SRGAP1: variants seen among roughly 807,000 people sequenced by gnomAD.
SRGAP1 encodes SLIT-ROBO Rho GTPase-activating protein 1.
Under a neutral mutation model 121.9 loss-of-function variants are expected in SRGAP1, and 43 were observed. That is an observed-to-expected ratio of 0.35 (90% CI 0.28 to 0.46). The LOEUF (loss-of-function observed/expected upper bound fraction) is 0.46, where lower values mean the gene tolerates loss of function less well. SRGAP1 is among the 20% of genes least tolerant of loss of function. The probability of loss-of-function intolerance (pLI) is 1.00; values close to 1 mark genes in which losing one functional copy is unlikely to be tolerated. For missense variants in SRGAP1, 1,102 were observed against 1,350.9 expected, an observed-to-expected ratio of 0.82 and a Z score of 2.89; for synonymous variants, 447 against 485.4, an observed-to-expected ratio of 0.92 and a Z score of 1.04.
chr12:64,080,178 G>A (rs1712834904), intron 9 of SRGAP1, 108 bp from the exon 10 acceptor site: 1 of 793,754 alleles, frequency 1.3e-6, no homozygotes, highest in Non-Finnish European at 1.9e-6. Context: ...CAGAGGAAGA[G>A]GTTGCAGTGA....
intron 4 of SRGAP1, among the ~76,000 whole-genome samples, chr12:64,026,224 G>C (rs1046555908): frequency 6.6e-6 from 1 of 152,058 alleles, no homozygotes; most frequent in African/African-American, 2.4e-5. Context: ...GAAGTGTTTT[G>C]TCCAAATTAC....
intron 16 of SRGAP1, among the ~76,000 whole-genome samples, chr12:64,111,385 A>C (rs1405605090): frequency 6.6e-6 from 1 of 152,168 alleles, no homozygotes; most frequent in Admixed American, 6.5e-5. Context: ...GGGAGAAGAC[A>C]ATTTTAAAGA....
Position 64,012,060 on chromosome 12 carries a change from TCAAA to T in SRGAP1, c.427-4881_427-4878del, listed in dbSNP as rs572315220. ...CTAGGTGACAGAGGGAGACCCTGTG[TCAAA>T]CAAACAAAAAAAATTATAATGAGCT... On this transcript the variant is annotated intron_variant, in intron 3 of 21. Coordinates refer to ENST00000355086, the MANE Select transcript of SRGAP1 (RefSeq NM_020762.4). 1.9e-3 allele frequency among the ~76,000 whole-genome samples: 293 copies of T among 151,878 alleles called. 2 individuals are homozygous for T. Among genetic ancestry groups the T allele is most frequent in the African/African-American group, 6.6e-3 (271 of 41,166 alleles).
At chr12:63,846,129 A>G (rs538148897) in intron 1 of SRGAP1, among the ~76,000 whole-genome samples, 3 of 151,548 alleles carry the variant, frequency 2.0e-5, no homozygotes, top group Non-Finnish European at 4.4e-5. Flanking sequence ...GGAGTTATCT[A>G]TAGGCTGACC....
At chr12:64,005,177 T>TA (rs925456806) in intron 3 of SRGAP1, among the ~76,000 whole-genome samples, 4 of 152,108 alleles carry the variant, frequency 2.6e-5, no homozygotes, top group African/African-American at 9.7e-5. Flanking sequence ...TAGAAGCCTA[T>TA]AAAAAAGGAA....
chr12:64,016,066 C>A (rs1470277651), intron 3 of SRGAP1, among the ~76,000 whole-genome samples: 1 of 152,088 alleles, frequency 6.6e-6, no homozygotes, highest in African/African-American at 2.4e-5. Flanking sequence ...TGATACTCTC[C>A]ACTTTTTTGT....
chr12:63,877,297 A>C (rs952682312), intron 1 of SRGAP1, among the ~76,000 whole-genome samples: 1 of 152,182 alleles, frequency 6.6e-6, no homozygotes, highest in Non-Finnish European at 1.5e-5. Flanking sequence ...TTGTGTGTGT[A>C]TGTATTTTGG....
intron 4 of SRGAP1, among the ~76,000 whole-genome samples, chr12:64,020,212 C>T (rs975599695): frequency 6.6e-6 from 1 of 152,036 alleles, no homozygotes; most frequent in East Asian, 1.9e-4. Context: ...GCCCTATGGT[C>T]CATTTATACG....
intron 1 of SRGAP1, among the ~76,000 whole-genome samples, chr12:63,915,454 T>C (rs1334542549): frequency 6.6e-6 from 1 of 152,222 alleles, no homozygotes; most frequent in Non-Finnish European, 1.5e-5. Flanking sequence ...TCTATTTGTA[T>C]GGAATATAAT....
rs1016107512 is a variant in SRGAP1, at chr12:64,146,117, G to A, written c.*3445G>A. The A allele has an allele frequency of 4.6e-5, 7 of 152,144 alleles. No homozygotes were observed. The highest frequency in any genetic ancestry group is 8.8e-5 in the Non-Finnish European group (6 of 68,036). 9.4% of individuals were successfully genotyped at this position (152,144 alleles called of 1,614,324 possible). A position where few individuals can be genotyped will look rare whatever the true frequency, so the allele number is the denominator to read the frequency against. ...ACTTAGTACACATTTTCTAATGGGC[G>A]TTACGTGAACTGTTTGAACCTGCTG... On this transcript the variant is annotated 3_prime_UTR_variant, in exon 22 of 22. Coordinates refer to ENST00000355086, the MANE Select transcript of SRGAP1 (RefSeq NM_020762.4).
At chr12:64,015,831 G>C (rs966734427) in intron 3 of SRGAP1, among the ~76,000 whole-genome samples, 1 of 152,114 alleles carries the variant, frequency 6.6e-6, no homozygotes, top group Non-Finnish European at 1.5e-5. Context: ...TGTTGTTAAT[G>C]TTGCAAACTG....
intron 1 of SRGAP1, among the ~76,000 whole-genome samples, chr12:63,969,134 A>G (rs925601860): frequency 6.6e-6 from 1 of 152,326 alleles, no homozygotes; most frequent in South Asian, 2.1e-4. Flanking sequence ...TTTAGGTGCC[A>G]AGATAATTAA....
chr12:63,956,486 A>G (rs2032475021), intron 1 of SRGAP1, among the ~76,000 whole-genome samples: 1 of 152,238 alleles, frequency 6.6e-6, no homozygotes, highest in Non-Finnish European at 1.5e-5. Flanking sequence ...TAAAAAAAAC[A>G]ACTTGTGTAA....
chr12:64,141,377 C>T (rs572604746), intron 21 of SRGAP1, among the ~76,000 whole-genome samples: 3 of 151,330 alleles, frequency 2.0e-5, no homozygotes, highest in Non-Finnish European at 4.4e-5. Context: ...GTCAGGAGTT[C>T]GAGACCAGCC....
At chr12:63,854,255 C>T (rs937349284) in intron 1 of SRGAP1, among the ~76,000 whole-genome samples, 1 of 151,986 alleles carries the variant, frequency 6.6e-6, no homozygotes, top group African/African-American at 2.4e-5. Flanking sequence ...CATTTTGTAG[C>T]TTTCTTTATA....
intron 3 of SRGAP1, among the ~76,000 whole-genome samples, chr12:64,006,910 G>A (rs561741624): frequency 1.3e-5 from 2 of 152,162 alleles, no homozygotes; most frequent in South Asian, 4.2e-4. Context: ...TTTTCTTAAG[G>A]CTTCTACTTC....
At chr12:63,941,105 A>T (rs986604246) in intron 1 of SRGAP1, among the ~76,000 whole-genome samples, 11 of 152,030 alleles carry the variant, frequency 7.2e-5, no homozygotes, top group Admixed American at 6.5e-4. Context: ...GGTAAATAAG[A>T]TATTTAAGGT....
At chr12:63,891,559 C>G (rs903084219) in intron 1 of SRGAP1, among the ~76,000 whole-genome samples, 1 of 152,182 alleles carries the variant, frequency 6.6e-6, no homozygotes, top group African/African-American at 2.4e-5. Flanking sequence ...TAGTAAATCC[C>G]TTCACATACT....
chr12:64,025,152 T>TAAA (rs11286618), intron 4 of SRGAP1, among the ~76,000 whole-genome samples: 5 of 135,170 alleles, frequency 3.7e-5, no homozygotes, highest in Non-Finnish European at 6.5e-5. Context: ...AACGTTTAAA[T>TAAA]AAAAAAAAAA....
Sources: allele counts gnomAD v4.1 joint callset (sites outside exome capture counted in the v4.1 genomes callset), GRCh38; gene constraint gnomAD v4.1.1; transcripts MANE v1.5; gene names NCBI Gene and HGNC (gene_info 2026-07-23, HGNC 2026-07-21).